The following CYP4F3 variants were observed in gnomAD, a reference collection of about 807,000 sequenced individuals.
CYP4F3 encodes cytochrome P450 family 4 subfamily F member 3.
Under a neutral mutation model 54.8 loss-of-function variants are expected in CYP4F3, and 50 were observed. The observed-to-expected ratio is 0.91, with a 90% CI of 0.73 to 1.16. The LOEUF (loss-of-function observed/expected upper bound fraction) is 1.16, where lower values mean the gene tolerates loss of function less well. Ranked by LOEUF, CYP4F3 falls within the 50% of genes most tolerant of loss-of-function variation. CYP4F3 has a pLI of 0.00. For synonymous variants in CYP4F3, 244 were observed against 262.6 expected (o/e 0.93, Z 0.69); for missense variants, 715 against 676.2 (o/e 1.06, Z -0.64).
At chr19:15,646,178 T>C (rs1972619905) in intron 3 of CYP4F3, among the ~76,000 whole-genome samples, 1 of 152,200 alleles carries the variant, frequency 6.6e-6, no homozygotes, top group Non-Finnish European at 1.5e-5. Context: ...TTACATCTGG[T>C]ATATCATTCC....
chr19:15,646,988 C>T, intron 3 of CYP4F3, 64 bp from the exon 4 acceptor site: 2 of 1,602,998 alleles, frequency 1.2e-6, no homozygotes, highest in East Asian at 2.2e-5. Flanking sequence ...GGGAGCCTCC[C>T]CCCACCCCCA....
intron 9 of CYP4F3, among the ~76,000 whole-genome samples, chr19:15,656,554 G>A (rs1241157192): frequency 8.2e-6 from 1 of 122,122 alleles, no homozygotes; most frequent in Non-Finnish European, 1.9e-5. Context: ...ATCTATCATT[G>A]ATCTATCTAT....
At chr19:15,658,060 C>A (rs1219747073) in intron 9 of CYP4F3, 1 of 943,362 alleles carries the variant, frequency 1.1e-6, no homozygotes, top group African/African-American at 1.8e-5. Flanking sequence ...ATGTCTTTTT[C>A]TGAGCTCTTT....
At position 15,658,106 on chromosome 19, in the gene CYP4F3, A is replaced by G. The variant is rs868116859; in HGVS notation, c.1116-158A>G. ...ATGGGTCTATTTTCTTGTTTCTGCA[A>G]CAGTGTCACACTGTTTTTATTCCTG... On this transcript the variant is annotated intron_variant, in intron 9 of 12. Coordinates refer to ENST00000221307, the MANE Select transcript of CYP4F3 (RefSeq NM_000896.3). 15 of 983,530 alleles carry G rather than the reference A, an allele frequency of 1.5e-5. No homozygotes were observed. In the African/African-American group the frequency reaches 1.9e-4, roughly 13 times the overall value. The allele number at this position is 983,530 out of a possible 1,614,324, so 60.9% of individuals were successfully genotyped here.
intron 11 of CYP4F3, 79 bp downstream of exon 11, chr19:15,658,634 A>G (rs1973099466): frequency 1.2e-6 from 2 of 1,608,690 alleles, no homozygotes; most frequent in Non-Finnish European, 1.7e-6. Flanking sequence ...GGAGAATCCA[A>G]CATCACCTCC....
chr19:15,642,692 TG>T (rs1450880507), intron 2 of CYP4F3, among the ~76,000 whole-genome samples: 3 of 152,212 alleles, frequency 2.0e-5, no homozygotes, highest in Non-Finnish European at 2.9e-5. Context: ...TCTTGGGACT[TG>T]GGGGTGGCCC....
chr19:15,642,476 C>T (rs1257589248), intron 2 of CYP4F3, among the ~76,000 whole-genome samples: 1 of 152,168 alleles, frequency 6.6e-6, no homozygotes, highest in African/African-American at 2.4e-5. Context: ...GTGGAGGAAC[C>T]AGCCAGGGCA....
chr19:15,652,770 C>T (rs1415265779), intron 8 of CYP4F3, 53 bp from the exon 9 acceptor site: 2 of 1,600,936 alleles, frequency 1.2e-6, no homozygotes, highest in African/African-American at 1.3e-5. Flanking sequence ...TTGCTGTACA[C>T]CCTCGGGTGC....
chr19:15,655,608 C>T (rs1290084900), intron 9 of CYP4F3, among the ~76,000 whole-genome samples: 5 of 152,192 alleles, frequency 3.3e-5, no homozygotes, highest in Non-Finnish European at 5.9e-5. Context: ...ATGGCTATCC[C>T]GATGCCCACA....
intron 9 of CYP4F3, among the ~76,000 whole-genome samples, chr19:15,656,596 TTATCTGTCTATC>T (rs909847629): frequency 7.1e-6 from 1 of 140,568 alleles, no homozygotes; most frequent in Admixed American, 7.0e-5. Context: ...TCTATCTCTA[TTATCTGTCTATC>T]TATCTATCAT....
At position 15,650,283 on chromosome 19, in the gene CYP4F3, C is replaced by A. The variant is rs1408086518; in HGVS notation, c.918+100C>A. ...CTTGACCCAGAGGGCACTGGGGAGC[C>A]ATGGAAGGTGATTGAGGAAGGGAGG... is the stretch of plus-strand genomic sequence containing the variant. On this transcript the variant is annotated intron_variant, in intron 7 of 12. Coordinates refer to ENST00000221307, the MANE Select transcript of CYP4F3 (RefSeq NM_000896.3). 3 of 1,607,368 alleles carry A rather than the reference C, an allele frequency of 1.9e-6. No individual in the cohort carries two copies. In the South Asian group the frequency reaches 3.3e-5, roughly 18 times the overall value.
Position 15,658,682 on chromosome 19 carries a change from G to T in CYP4F3, c.1315-45G>T, listed in dbSNP as rs781232864. On this transcript the variant is annotated intron_variant, in intron 11 of 12. Transcript: ENST00000221307. ...CACCACTGTCTCTCCAAGGCTGGCGGACTGGGAGACCCCACCCGGCAACCC... is the reference window on the plus strand; with the variant it reads ...CACCACTGTCTCTCCAAGGCTGGCGTACTGGGAGACCCCACCCGGCAACCC... The T allele has an allele frequency of 3.7e-6, 6 of 1,611,696 alleles. No homozygotes were observed. The Admixed American group carries it at 6.7e-5, about 18-fold the overall frequency.
intron 12 of CYP4F3, 122 bp from the exon 13 acceptor site, chr19:15,659,098 C>T: frequency 1.5e-6 from 2 of 1,379,172 alleles, no homozygotes; most frequent in Non-Finnish European, 2.0e-6. Context: ...GGCACGGATA[C>T]CCCCTTCTCT....
At chr19:15,647,602 A>C (rs1018106976) in intron 5 of CYP4F3, among the ~76,000 whole-genome samples, 1 of 152,230 alleles carries the variant, frequency 6.6e-6, no homozygotes, top group Admixed American at 6.5e-5. Context: ...CAACAATTGC[A>C]TAATAGCTGT....
chr19:15,642,716 A>G (rs929911580), intron 2 of CYP4F3, among the ~76,000 whole-genome samples: 4 of 152,220 alleles, frequency 2.6e-5, no homozygotes, highest in Non-Finnish European at 5.9e-5. Flanking sequence ...AGAGAGATAG[A>G]GCAGGAGGAA....
In CYP4F3 at chr19:15,641,571, G is replaced by A. The variant is rs371160373; in HGVS notation, c.156G>A (p.Pro52=). 75 of 1,613,960 alleles carry A rather than the reference G, an allele frequency of 4.6e-5. No individual in the cohort carries two copies. The highest frequency in any genetic ancestry group is 5.5e-5 in the Non-Finnish European group (65 of 1,180,018). ...ACTGCTGCCGCCTCCGGTGTTTCCCGCAACCCCCGAAACGGAATTGGTTCT... is the reference window on the plus strand; with the variant it reads ...ACTGCTGCCGCCTCCGGTGTTTCCCACAACCCCCGAAACGGAATTGGTTCT... ...YDNCCRLRCF[P]QPPKRNWFLG... is the part of the protein sequence containing the mutation. The change falls in exon 2 of 13, where the codon CCG becomes CCA. Residue 52 remains proline, a synonymous_variant. Coordinates refer to ENST00000221307, the MANE Select transcript of CYP4F3 (RefSeq NM_000896.3).
chr19:15,641,377 G>A (rs1972456528), intron 1 of CYP4F3, 38 bp from the exon 2 acceptor site: 2 of 1,610,986 alleles, frequency 1.2e-6, no homozygotes, highest in Non-Finnish European at 1.7e-6. Context: ...CCTTCCCTGG[G>A]CCTCAGGACC....
chr19:15,653,119 C>G (rs2683040), intron 9 of CYP4F3, among the ~76,000 whole-genome samples, 167 bp downstream of exon 9: 31,841 of 151,962 alleles, frequency 0.21, 3,656 homozygotes, highest in South Asian at 0.27. Flanking sequence ...ACTGTCTGGG[C>G]AAAGGTTATA....
intron 9 of CYP4F3, among the ~76,000 whole-genome samples, chr19:15,653,713 C>CTT (rs886617900): frequency 2.2e-5 from 3 of 136,072 alleles, no homozygotes; most frequent in Non-Finnish European, 4.8e-5. Flanking sequence ...CACCTGGGGT[C>CTT]TTCGGGGGAG....
Sources: allele counts gnomAD v4.1 joint callset (sites outside exome capture counted in the v4.1 genomes callset), GRCh38; gene constraint gnomAD v4.1.1; transcripts MANE v1.5; gene names NCBI Gene and HGNC (gene_info 2026-07-23, HGNC 2026-07-21).